Variants in NAV2 observed in about 807,000 individuals in gnomAD.
NAV2 encodes the protein neuron navigator 2.
In NAV2, 54 loss-of-function variants were observed where a neutral mutation model predicts 223.2. The observed-to-expected ratio is 0.24, with a 90% CI of 0.19 to 0.30. NAV2 has a LOEUF of 0.30. NAV2 is among the 10% of genes least tolerant of loss of function. The pLI is 1.00. For synonymous variants in NAV2, 1,279 were observed against 1,239.3 expected (o/e 1.03, Z -0.67); for missense variants, 2,806 against 3,147.5 (o/e 0.89, Z 2.60).
At chr11:19,680,493 G>A (rs12288601) in intron 1 of NAV2, among the ~76,000 whole-genome samples, 11,010 of 152,192 alleles carry the variant, frequency 0.072, 712 homozygotes, top group African/African-American at 0.17. Context: ...GAGTGCTGGG[G>A]AACTGTAGGA....
At chr11:19,642,450 A>T (rs73422496) in intron 1 of NAV2, among the ~76,000 whole-genome samples, 2,601 of 152,232 alleles carry the variant, frequency 0.017, 67 homozygotes, top group African/African-American at 0.059. Context: ...CAAACCAGGA[A>T]CTTAGATGAC....
At chr11:19,993,060 C>A (rs991128614) in intron 11 of NAV2, among the ~76,000 whole-genome samples, 1 of 152,206 alleles carries the variant, frequency 6.6e-6, no homozygotes, top group African/African-American at 2.4e-5. Context: ...TATGCCAACT[C>A]CCCTGGTCAC....
rs1406200718 is a variant in NAV2, at chr11:20,120,278, A to G, written c.*2020A>G. 2 of 152,196 alleles carry G rather than the reference A, an allele frequency of 1.3e-5. No homozygotes were observed. Among genetic ancestry groups the G allele is most frequent in the Non-Finnish European group, 2.9e-5 (2 of 68,042 alleles). 9.4% of individuals were successfully genotyped at this position (152,196 alleles called of 1,614,324 possible). On this transcript the variant is annotated 3_prime_UTR_variant, in exon 38 of 38. Transcript: ENST00000349880. The stretch of plus-strand genomic sequence containing the variant: ...ACTAGTGAAAGGAAAACTTTTCAAC[A>G]CTATCCCTGCTTTAGTCTCAGCAAA...
At chr11:19,518,990 C>A (rs1296073521) in intron 1 of NAV2, among the ~76,000 whole-genome samples, 1 of 152,134 alleles carries the variant, frequency 6.6e-6, no homozygotes, top group East Asian at 1.9e-4. Context: ...AGTCTGCCAC[C>A]CAGAAGAGGG....
chr11:19,875,376 A>G (rs545573795), intron 4 of NAV2, among the ~76,000 whole-genome samples: 6 of 152,368 alleles, frequency 3.9e-5, no homozygotes, highest in African/African-American at 1.4e-4. Flanking sequence ...CTGTGTTATA[A>G]TAAGGTGTTG....
intron 11 of NAV2, among the ~76,000 whole-genome samples, chr11:20,025,459 G>T (rs1272418255): frequency 6.6e-6 from 1 of 152,214 alleles, no homozygotes; most frequent in Non-Finnish European, 1.5e-5. Flanking sequence ...AGCCTTGAAG[G>T]AGAGAGGGCT....
chr11:19,668,193 A>G (rs192411762), intron 1 of NAV2, among the ~76,000 whole-genome samples: 5 of 152,340 alleles, frequency 3.3e-5, no homozygotes, highest in African/African-American at 4.8e-5. Flanking sequence ...CCCATGACAT[A>G]TAAGATTTGC....
chr11:19,526,815 G>A (rs1048634539), intron 1 of NAV2, among the ~76,000 whole-genome samples: 1 of 151,886 alleles, frequency 6.6e-6, no homozygotes, highest in Non-Finnish European at 1.5e-5. Context: ...TACTTCCCTG[G>A]GCCAACTTTC....
At chr11:19,804,556 G>T (rs1357309484) in intron 1 of NAV2, among the ~76,000 whole-genome samples, 1 of 152,168 alleles carries the variant, frequency 6.6e-6, no homozygotes, top group Non-Finnish European at 1.5e-5. Flanking sequence ...CCATCTCCTG[G>T]CTGTGTTGAA....
rs909501129 is a variant in NAV2 at position 19,810,908 on chromosome 11, A to G, written c.268-21576A>G. ...CGTTTCCCTTTGGCATCTTTTTATA[A>G]TATCTTTATTTGACATCCTTATTTG... On this transcript the variant is annotated intron_variant, in intron 1 of 37. Coordinates refer to ENST00000349880, the MANE Select transcript of NAV2 (RefSeq NM_145117.5). 3.3e-5 allele frequency among the ~76,000 whole-genome samples: 5 copies of G among 152,152 alleles called. No homozygotes were observed. The East Asian group carries it at 9.6e-4, about 29-fold the overall frequency.
intron 1 of NAV2, among the ~76,000 whole-genome samples, chr11:19,541,785 T>A (rs1395559678): frequency 6.6e-6 from 1 of 152,158 alleles, no homozygotes; most frequent in Non-Finnish European, 1.5e-5. Flanking sequence ...TTAGTTCCAA[T>A]TGGACCCTGT....
In NAV2 at chr11:19,813,068, G is replaced by T. The variant is rs138382261; in HGVS notation, c.268-19416G>T. On this transcript the variant is annotated intron_variant, in intron 1 of 37. Coordinates refer to ENST00000349880, the MANE Select transcript of NAV2 (RefSeq NM_145117.5). ...GCCTTTTCATAACCTCTACAAAGTT[G>T]AATGAAGGCTCAAACTCTTCTTTGC... Among the ~76,000 whole-genome samples, 253 of 151,982 alleles carry T rather than the reference G, an allele frequency of 1.7e-3. 1 individual carries two copies. Among genetic ancestry groups the T allele is most frequent in the Middle Eastern group, 0.01 (3 of 294 alleles).
At chr11:19,378,414 T>G (rs1488536954) in intron 1 of NAV2, among the ~76,000 whole-genome samples, 1 of 152,032 alleles carries the variant, frequency 6.6e-6, no homozygotes, top group Non-Finnish European at 1.5e-5. Context: ...ATCCTCCTGA[T>G]GAGAGACACC....
In NAV2 at chr11:19,713,558, A is replaced by ATT. The variant is rs1027631353; in HGVS notation, c.-129_-128dup. On this transcript the variant is annotated 5_prime_UTR_variant, in exon 1 of 38. Coordinates refer to ENST00000349880, the MANE Select transcript of NAV2 (RefSeq NM_145117.5). The surrounding 1 kb of genome is among the most constrained non-coding windows in gnomAD (Gnocchi z 7.2). ...TTGCTTCGAGTTCCCCGACCTGGGG[A>ATT]TTTTTTTTTTAGCCGCTGGTGGTGG... 2.0e-5 allele frequency: 26 copies of ATT among 1,287,172 alleles called. No homozygotes were observed. The highest frequency in any genetic ancestry group is 1.8e-4 in the South Asian group (9 of 50,764). 79.7% of individuals were successfully genotyped at this position (1,287,172 alleles called of 1,614,324 possible).
chr11:19,450,553 T>C (rs565745851), intron 1 of NAV2, among the ~76,000 whole-genome samples: 1 of 152,314 alleles, frequency 6.6e-6, no homozygotes, highest in South Asian at 2.1e-4. Flanking sequence ...AAACAGCACA[T>C]AATTCAGAAC....
chr11:19,970,637 G>A (rs2049156017), intron 10 of NAV2, among the ~76,000 whole-genome samples: 2 of 152,110 alleles, frequency 1.3e-5, no homozygotes, highest in African/African-American at 4.8e-5. Context: ...GTTGGGTGAA[G>A]GCTGGAGCAC....
At chr11:19,733,744 A>G (rs1195876698) in intron 1 of NAV2, among the ~76,000 whole-genome samples, 2 of 152,166 alleles carry the variant, frequency 1.3e-5, no homozygotes, top group African/African-American at 2.4e-5. Context: ...AAAATAGTGT[A>G]TAAGAGATTC....
intron 1 of NAV2, among the ~76,000 whole-genome samples, chr11:19,587,958 T>C (rs888248563): frequency 3.9e-5 from 6 of 152,232 alleles, no homozygotes; most frequent in Middle Eastern, 3.2e-3. Flanking sequence ...TAGAGTGCCA[T>C]TGGGTCTAGT....
chr11:19,962,549 G>T (rs1398271780), intron 10 of NAV2, among the ~76,000 whole-genome samples: 1 of 152,134 alleles, frequency 6.6e-6, no homozygotes, highest in Admixed American at 6.5e-5. Flanking sequence ...CAAAGCTAAC[G>T]CACCCTGCCT....
Sources: allele counts gnomAD v4.1 joint callset (sites outside exome capture counted in the v4.1 genomes callset), GRCh38; gene constraint gnomAD v4.1.1; non-coding constraint Gnocchi (gnomAD v3.1); transcripts MANE v1.5; gene names NCBI Gene and HGNC (gene_info 2026-07-23, HGNC 2026-07-21).